PRSS55: variants seen among roughly 807,000 people sequenced by gnomAD.
PRSS55 encodes the protein serine protease 55.
Under a neutral mutation model 23.6 loss-of-function variants are expected in PRSS55, and 41 were observed. The ratio of observed to expected loss-of-function variants is 1.74; its 90% confidence interval spans 1.35 to 2.26. PRSS55 has a LOEUF of 2.26. PRSS55 is among the 30% of genes most tolerant of loss of function. The probability of loss-of-function intolerance (pLI) is 0.00; values close to 1 mark genes in which losing one functional copy is unlikely to be tolerated. For missense variants in PRSS55, 669 were observed against 439.1 expected, an observed-to-expected ratio of 1.52 and a Z score of -4.68; for synonymous variants, 262 against 175.5, an observed-to-expected ratio of 1.49 and a Z score of -3.90.
chr8:10,542,540 G>A (rs911758370), downstream of PRSS55, among the ~76,000 whole-genome samples: 2 of 151,892 alleles, frequency 1.3e-5, no homozygotes, highest in South Asian at 4.2e-4. Context: ...CAATAGTTTT[G>A]TGGTGGGTAA....
Position 10,531,667 on chromosome 8 carries a change from T to TC in PRSS55, c.598+123dup, listed in dbSNP as rs1563538080. On this transcript the variant is annotated intron_variant, in intron 3 of 4. Coordinates refer to ENST00000328655, the MANE Select transcript of PRSS55 (RefSeq NM_198464.4). ...GAGCAGATTCCCGCTCAGTGGAGTC[T>TC]CACAGTGCCCAAAGTTTAGCTCCTT... 6 of 1,394,340 alleles carry TC rather than the reference T, an allele frequency of 4.3e-6. No individual in the cohort carries two copies. In the Admixed American group the frequency reaches 6.8e-5, roughly 16 times the overall value. The allele number at this position is 1,394,340 out of a possible 1,614,324, so 86.4% of individuals were successfully genotyped here.
chr8:10,553,967 A>G (rs988250639), exon 5 of PRSS55: 1 of 1,526,494 alleles, frequency 6.6e-7, no homozygotes, highest in Non-Finnish European at 8.7e-7. Context: ...CACTTTACAA[A>G]GAATGAACAC....
downstream of PRSS55, among the ~76,000 whole-genome samples, chr8:10,542,430 A>AAC (rs1812684438): frequency 6.6e-6 from 1 of 152,032 alleles, no homozygotes; most frequent in Admixed American, 6.5e-5. Flanking sequence ...AAAAAAAAAA[A>AAC]AAAAAGCTAA....
At chr8:10,549,024 A>ATT (rs1312733437) in intron 4 of PRSS55, among the ~76,000 whole-genome samples, 12 of 152,150 alleles carry the variant, frequency 7.9e-5, no homozygotes, top group African/African-American at 2.9e-4. Flanking sequence ...CTGTATATAC[A>ATT]GGCATAAGCT....
intron 4 of PRSS55, among the ~76,000 whole-genome samples, chr8:10,546,588 G>A (rs1408733019): frequency 1.3e-5 from 2 of 152,314 alleles, no homozygotes; most frequent in East Asian, 3.9e-4. Flanking sequence ...GGCAGCCACG[G>A]TGCTCCTGTT....
intron 4 of PRSS55, among the ~76,000 whole-genome samples, chr8:10,549,788 C>T (rs368617305): frequency 1.4e-5 from 2 of 139,776 alleles, no homozygotes; most frequent in African/African-American, 5.0e-5. Context: ...CAGCTCCCCG[C>T]TCTGTCATTT....
At chr8:10,543,478 C>CT (rs61064986), downstream of PRSS55, among the ~76,000 whole-genome samples, 1 of 101,634 alleles carries the variant, frequency 9.8e-6, no homozygotes, top group Non-Finnish European at 1.9e-5. Flanking sequence ...CTTTCTTTCT[C>CT]TCTTTTTTTT....
At chr8:10,543,170 G>A (rs2117066775), downstream of PRSS55, among the ~76,000 whole-genome samples, 1 of 152,108 alleles carries the variant, frequency 6.6e-6, no homozygotes, top group Non-Finnish European at 1.5e-5. Flanking sequence ...AACCAAGCTT[G>A]GCAATCTTGG....
chr8:10,550,230 C>A (rs569215543), intron 4 of PRSS55, among the ~76,000 whole-genome samples: 26 of 152,166 alleles, frequency 1.7e-4, no homozygotes, highest in Non-Finnish European at 3.2e-4. Context: ...GCCCACAGGG[C>A]ATTTTAGCTA....
chr8:10,543,014 A>C (rs7007213), downstream of PRSS55, among the ~76,000 whole-genome samples: 1 of 151,654 alleles, frequency 6.6e-6, no homozygotes, highest in Non-Finnish European at 1.5e-5. Flanking sequence ...TCCTTATTGC[A>C]AGTTTCTGAT....
chr8:10,528,207 A>G (rs532640967), intron 1 of PRSS55, among the ~76,000 whole-genome samples: 1 of 152,138 alleles, frequency 6.6e-6, no homozygotes, highest in South Asian at 2.1e-4. Flanking sequence ...TCTCAAAAAA[A>G]AAAAAAAAAA....
At chr8:10,534,181 C>T (rs544777951) in intron 4 of PRSS55, among the ~76,000 whole-genome samples, 100 of 152,222 alleles carry the variant, frequency 6.6e-4, no homozygotes, top group South Asian at 1.9e-3. Context: ...CCAGACAAGA[C>T]GGAGTAAACA....
intron 4 of PRSS55, among the ~76,000 whole-genome samples, chr8:10,545,709 T>C (rs1812799599): frequency 6.6e-6 from 1 of 152,166 alleles, no homozygotes; most frequent in Non-Finnish European, 1.5e-5. Flanking sequence ...TCGTAAATCA[T>C]CGTTTGAATT....
intron 1 of PRSS55, 126 bp from the exon 2 acceptor site, chr8:10,529,381 T>G (rs1812159517): frequency 1.0e-6 from 1 of 957,944 alleles, no homozygotes; most frequent in South Asian, 1.4e-5. Flanking sequence ...CTCAGTGAGC[T>G]CCTCTCTAGA....
At chr8:10,546,868 A>G (rs1171314891) in intron 4 of PRSS55, among the ~76,000 whole-genome samples, 1 of 151,974 alleles carries the variant, frequency 6.6e-6, no homozygotes, top group Non-Finnish European at 1.5e-5. Context: ...TTTTGTAGAT[A>G]CAAGTTCCCC....
chr8:10,526,053 A>G (rs946689895), intron 1 of PRSS55, among the ~76,000 whole-genome samples: 11 of 152,084 alleles, frequency 7.2e-5, no homozygotes, highest in Non-Finnish European at 1.5e-4. Context: ...TGTGGCTCCC[A>G]TCAGCACCAG....
intron 2 of PRSS55, among the ~76,000 whole-genome samples, chr8:10,530,591 G>A (rs1203485342): frequency 6.6e-6 from 1 of 152,134 alleles, no homozygotes; most frequent in African/African-American, 2.4e-5. Flanking sequence ...CCAATACACT[G>A]AGGCTGCTCA....
intron 1 of PRSS55, among the ~76,000 whole-genome samples, chr8:10,526,139 C>T (rs1296661443): frequency 6.6e-6 from 1 of 152,100 alleles, no homozygotes; most frequent in Non-Finnish European, 1.5e-5. Context: ...GTCCTTGTGC[C>T]CGGCCCCCCA....
chr8:10,532,122 G>A (rs1452898647), intron 3 of PRSS55, among the ~76,000 whole-genome samples: 1 of 152,174 alleles, frequency 6.6e-6, no homozygotes, highest in Non-Finnish European at 1.5e-5. Context: ...GAACAGCAAA[G>A]CATTGCGTCA....
Sources: gnomAD v4.1 joint callset for allele counts (sites outside exome capture counted in the v4.1 genomes callset) on GRCh38, gnomAD v4.1.1 for gene constraint, MANE v1.5 for transcripts, NCBI Gene and HGNC (gene_info 2026-07-23, HGNC 2026-07-21) for gene names.